ATRNL1: variants seen among roughly 807,000 people sequenced by gnomAD.
ATRNL1 encodes attractin like 1.
Under a neutral mutation model 182.7 loss-of-function variants are expected in ATRNL1, and 95 were observed. The ratio of observed to expected loss-of-function variants is 0.52; its 90% CI spans 0.44 to 0.62. The LOEUF (loss-of-function observed/expected upper bound fraction) is 0.62. Ranked by LOEUF, ATRNL1 falls within the 20% of genes least tolerant of loss-of-function variation. The pLI is 0.00. For synonymous variants in ATRNL1, 576 were observed against 568.3 expected (o/e 1.01, Z -0.19); for missense variants, 1,471 against 1,679.5 (o/e 0.88, Z 2.17).
chr10:115,559,275 T>A (rs1477215305), intron 26 of ATRNL1, among the ~76,000 whole-genome samples: 2 of 152,202 alleles, frequency 1.3e-5, no homozygotes, highest in Non-Finnish European at 2.9e-5. Context: ...AGATTGCATT[T>A]GTTATTTTTA....
intron 21 of ATRNL1, among the ~76,000 whole-genome samples, chr10:115,441,615 C>G (rs537368684): frequency 6.6e-6 from 1 of 151,936 alleles, no homozygotes; most frequent in Admixed American, 6.6e-5. Flanking sequence ...GATCACTTTT[C>G]TGAGCTGCAA....
intron 9 of ATRNL1, among the ~76,000 whole-genome samples, chr10:115,232,675 A>G (rs1344050981): frequency 6.6e-6 from 1 of 151,906 alleles, no homozygotes; most frequent in Non-Finnish European, 1.5e-5. Context: ...ACCCAACTGG[A>G]TAAGGACTTT....
chr10:115,741,373 A>C (rs1948135059), intron 27 of ATRNL1, among the ~76,000 whole-genome samples: 1 of 152,258 alleles, frequency 6.6e-6, no homozygotes, highest in South Asian at 2.1e-4. Context: ...AAGCATGCCA[A>C]GTTGAGAGAG....
chr10:115,216,223 C>G (rs1178989192), intron 9 of ATRNL1, among the ~76,000 whole-genome samples: 3 of 152,206 alleles, frequency 2.0e-5, no homozygotes, highest in African/African-American at 7.2e-5. Context: ...ACTTCTTGCA[C>G]TGATCTTTTC....
At chr10:115,160,518 AT>A (rs1364585577) in intron 6 of ATRNL1, among the ~76,000 whole-genome samples, 151,866 of 151,866 alleles carry the variant, frequency 1, 75,933 homozygotes, top group Non-Finnish European at 1. Flanking sequence ...AATCAAATGA[AT>A]TCATGCCACT....
intron 19 of ATRNL1, among the ~76,000 whole-genome samples, chr10:115,389,575 T>C (rs535720649): frequency 1.7e-5 from 2 of 118,338 alleles, no homozygotes; most frequent in African/African-American, 3.3e-5. Context: ...TATATATATA[T>C]ATATATATAT....
chr10:115,236,104 T>A (rs1248582917), intron 9 of ATRNL1, among the ~76,000 whole-genome samples: 2 of 152,186 alleles, frequency 1.3e-5, no homozygotes, highest in Admixed American at 1.3e-4. Flanking sequence ...TCTTTAGATA[T>A]GTCCCCATCA....
chr10:115,913,001 T>C (rs952466314), intron 28 of ATRNL1, among the ~76,000 whole-genome samples: 1 of 152,050 alleles, frequency 6.6e-6, no homozygotes, highest in Admixed American at 6.6e-5. Context: ...AGCAGACAAA[T>C]TGTGAGATAA....
chr10:115,753,408 G>A (rs781847722), intron 27 of ATRNL1, among the ~76,000 whole-genome samples: 3 of 152,038 alleles, frequency 2.0e-5, no homozygotes, highest in Non-Finnish European at 4.4e-5. Flanking sequence ...TACCACTTAT[G>A]AGTCAGAACA....
At chr10:115,595,172 C>A (rs1278968167) in intron 26 of ATRNL1, among the ~76,000 whole-genome samples, 1 of 151,944 alleles carries the variant, frequency 6.6e-6, no homozygotes, top group Non-Finnish European at 1.5e-5. Flanking sequence ...TAATTAAAGT[C>A]ATCTATGGGT....
At chr10:115,193,956 C>T (rs541826679) in intron 8 of ATRNL1, among the ~76,000 whole-genome samples, 5 of 151,666 alleles carry the variant, frequency 3.3e-5, no homozygotes, top group South Asian at 2.1e-4. Flanking sequence ...CTTCATTGAC[C>T]GAAGTGGTTT....
At chr10:115,662,614 A>G (rs1860763908) in intron 26 of ATRNL1, among the ~76,000 whole-genome samples, 1 of 152,204 alleles carries the variant, frequency 6.6e-6, no homozygotes, top group African/African-American at 2.4e-5. Context: ...AATTTTTGGT[A>G]AAATGCTTAG....
intron 17 of ATRNL1, among the ~76,000 whole-genome samples, chr10:115,303,093 C>T (rs922204267): frequency 1.3e-5 from 2 of 150,224 alleles, no homozygotes; most frequent in Admixed American, 1.3e-4. Context: ...TGGTATCTGT[C>T]CCTCTTGTAA....
chr10:115,118,080 G>A (rs1844569634), intron 1 of ATRNL1, among the ~76,000 whole-genome samples: 1 of 152,034 alleles, frequency 6.6e-6, no homozygotes, highest in African/African-American at 2.4e-5. Context: ...AGTTGTTTGA[G>A]CACTGTATAT....
chr10:115,288,526 T>A (rs1184217501), intron 15 of ATRNL1, among the ~76,000 whole-genome samples: 10 of 151,614 alleles, frequency 6.6e-5, no homozygotes, highest in African/African-American at 2.2e-4. Flanking sequence ...TTCTTTTTTT[T>A]TTTTTTATTT....
intron 28 of ATRNL1, among the ~76,000 whole-genome samples, chr10:115,865,203 G>A (rs1433383067): frequency 6.6e-6 from 1 of 151,918 alleles, no homozygotes; most frequent in Non-Finnish European, 1.5e-5. Flanking sequence ...ATTCAAATAG[G>A]GTTTGTTGAT....
chr10:115,103,890 T>C (rs1843889305), intron 1 of ATRNL1, among the ~76,000 whole-genome samples: 1 of 152,236 alleles, frequency 6.6e-6, no homozygotes, highest in African/African-American at 2.4e-5. Flanking sequence ...TTTTTATGGC[T>C]GAATAGTACT....
chr10:115,117,321 C>T (rs781439182), intron 1 of ATRNL1, among the ~76,000 whole-genome samples: 2 of 151,368 alleles, frequency 1.3e-5, no homozygotes, highest in African/African-American at 4.9e-5. Context: ...TTTTTTGTAC[C>T]CCTTAACCAT....
chr10:115,460,163 A>T (rs559399271), intron 21 of ATRNL1, among the ~76,000 whole-genome samples: 1 of 152,004 alleles, frequency 6.6e-6, no homozygotes, highest in East Asian at 2.0e-4. Flanking sequence ...AATCTCTTGG[A>T]CCTCTTGTCT....
Sources: allele counts gnomAD v4.1 joint callset (sites outside exome capture counted in the v4.1 genomes callset), GRCh38; gene constraint gnomAD v4.1.1; transcripts MANE v1.5; gene names NCBI Gene and HGNC (gene_info 2026-07-23, HGNC 2026-07-21).